Variants in PDE1C observed in about 807,000 individuals in gnomAD.
The protein encoded by PDE1C is phosphodiesterase 1C, also known as dual specificity calcium/calmodulin-dependent 3',5'-cyclic nucleotide phosphodiesterase 1C.
In PDE1C, 62 loss-of-function variants were observed where a neutral mutation model predicts 93.1. The ratio of observed to expected loss-of-function variants is 0.67; its 90% CI spans 0.54 to 0.82. The LOEUF is 0.82. Ranked by LOEUF, PDE1C falls within the 40% of genes least tolerant of loss-of-function variation. The pLI is 0.00. For missense variants in PDE1C, 742 were observed against 884.6 expected, an observed-to-expected ratio of 0.84 and a Z score of 2.04; for synonymous variants, 325 against 310.1, an observed-to-expected ratio of 1.05 and a Z score of -0.50.
intron 2 of PDE1C, among the ~76,000 whole-genome samples, chr7:32,048,495 G>T (rs1225910852): frequency 6.6e-6 from 1 of 152,024 alleles, no homozygotes; most frequent in Admixed American, 6.6e-5. Context: ...AAAGCCATGT[G>T]AGGAGAGAGG....
intron 2 of PDE1C, among the ~76,000 whole-genome samples, chr7:31,980,763 G>A (rs995820798): frequency 6.6e-6 from 1 of 152,184 alleles, no homozygotes; most frequent in Non-Finnish European, 1.5e-5. Flanking sequence ...CTCTAGGAGA[G>A]AATCAGTTTC....
intron 3 of PDE1C, among the ~76,000 whole-genome samples, chr7:32,167,860 G>A (rs1363960756): frequency 6.6e-6 from 1 of 152,016 alleles, no homozygotes; most frequent in African/African-American, 2.4e-5. Context: ...GGAGCTGTAG[G>A]GTAACCTTGA....
chr7:32,147,712 A>C (rs1254968014), intron 3 of PDE1C, among the ~76,000 whole-genome samples: 1 of 150,632 alleles, frequency 6.6e-6, no homozygotes, highest in African/African-American at 2.4e-5. Flanking sequence ...CCCCCCCTCC[A>C]AGCATTGAGA....
At chr7:32,222,490 G>A (rs1338110794) in intron 1 of PDE1C, among the ~76,000 whole-genome samples, 1 of 152,180 alleles carries the variant, frequency 6.6e-6, no homozygotes, top group Non-Finnish European at 1.5e-5. Flanking sequence ...GCTAGGAACT[G>A]TCCTCCTCTG....
At chr7:32,073,613 A>G (rs943843470), upstream of PDE1C, among the ~76,000 whole-genome samples, 9 of 152,158 alleles carry the variant, frequency 5.9e-5, no homozygotes, top group African/African-American at 2.2e-4. Flanking sequence ...AAATACCACA[A>G]AACAACTAAG....
At chr7:31,652,056 G>A in the PDE1C span, 5 of 1,573,550 alleles carry the variant, frequency 3.2e-6, no homozygotes, top group Admixed American at 1.8e-5. Context: ...TACTGGTATG[G>A]GTGATGGGGT....
intron 1 of PDE1C, among the ~76,000 whole-genome samples, chr7:32,359,569 T>C (rs1054256571): frequency 2.0e-5 from 3 of 152,252 alleles, no homozygotes; most frequent in East Asian, 3.8e-4. Context: ...TTAACATTTA[T>C]TGAGTGAATA....
intron 2 of PDE1C, among the ~76,000 whole-genome samples, chr7:31,971,945 C>A (rs545642943): frequency 6.6e-6 from 1 of 152,322 alleles, no homozygotes; most frequent in South Asian, 2.1e-4. Flanking sequence ...TCTTGGGTGT[C>A]CAACACCCTT....
intron 3 of PDE1C, among the ~76,000 whole-genome samples, chr7:32,104,796 A>G (rs1234524772): frequency 6.6e-6 from 1 of 152,210 alleles, no homozygotes; most frequent in South Asian, 2.1e-4. Flanking sequence ...ATTTAAAATA[A>G]AAAGGACCAA....
chr7:31,625,919 C>A, the PDE1C span, among the ~76,000 whole-genome samples: 3 of 151,782 alleles, frequency 2.0e-5, no homozygotes, highest in Non-Finnish European at 4.4e-5. Context: ...TACAGGTACA[C>A]CTAATGTTAG....
At chr7:31,652,880 A>T in the PDE1C span, 84 of 1,565,794 alleles carry the variant, frequency 5.4e-5, no homozygotes, top group African/African-American at 8.3e-4. Flanking sequence ...CCCAGAACAG[A>T]TGTAGCAAGG....
the PDE1C span, among the ~76,000 whole-genome samples, chr7:31,737,290 T>C: frequency 6.6e-6 from 1 of 152,140 alleles, no homozygotes; most frequent in African/African-American, 2.4e-5. Context: ...ACTCTTCTAA[T>C]TCTAACCATA....
rs566447142 is a variant in PDE1C, at chr7:32,338,504, T to C, written c.310+89318A>G. Reference sequence around the variant, plus strand: ...AACAGAAAACTAGTGTTGGCAAAGATGTAGAAAACTGGAGCTCTTGTATAT... The same window carrying C: ...AACAGAAAACTAGTGTTGGCAAAGACGTAGAAAACTGGAGCTCTTGTATAT... On this transcript the variant is annotated intron_variant, in intron 1 of 1. Coordinates refer to the PDE1C transcript ENST00000672256. Among the ~76,000 whole-genome samples, 5 of 152,276 alleles carry C rather than the reference T, an allele frequency of 3.3e-5. No homozygotes were observed. The East Asian group carries it at 7.7e-4, about 23-fold the overall frequency.
the PDE1C span, among the ~76,000 whole-genome samples, chr7:31,639,514 T>C: frequency 0.035 from 5,084 of 146,434 alleles, 316 homozygotes; most frequent in African/African-American, 0.12. Flanking sequence ...CAGGATATAG[T>C]TTTTCTTTTG....
chr7:32,320,916 C>G (rs1783278984), intron 1 of PDE1C, among the ~76,000 whole-genome samples: 1 of 152,170 alleles, frequency 6.6e-6, no homozygotes, highest in African/African-American at 2.4e-5. Flanking sequence ...TCCCCGTTTA[C>G]AGAGGAGTAA....
At chr7:31,888,153 G>A (rs377119997) in intron 2 of PDE1C, among the ~76,000 whole-genome samples, 2 of 149,624 alleles carry the variant, frequency 1.3e-5, no homozygotes, top group South Asian at 4.3e-4. Context: ...GGGAGGCTGA[G>A]GTAGGAGAAT....
intron 2 of PDE1C, among the ~76,000 whole-genome samples, chr7:31,906,488 G>T (rs1800600109): frequency 7.2e-6 from 1 of 139,394 alleles, no homozygotes; most frequent in Admixed American, 7.1e-5. Flanking sequence ...CCTTTGGGTT[G>T]GTCTTGATAC....
chr7:31,836,488 C>T (rs969100952), intron 11 of PDE1C, among the ~76,000 whole-genome samples: 1 of 152,114 alleles, frequency 6.6e-6, no homozygotes, highest in Non-Finnish European at 1.5e-5. Context: ...GCACCCACCA[C>T]CACGCCCGGC....
rs1220938665 is a variant in PDE1C at position 31,851,082 on chromosome 7, ACACACACACACACACACAT to A, written c.751-360_751-342del. 2.0e-4 allele frequency among the ~76,000 whole-genome samples: 6 copies of A among 29,520 alleles called. No individual in the cohort carries two copies. In the Admixed American group the frequency reaches 3.6e-3, roughly 17 times the overall value. 19.4% of individuals were successfully genotyped at this position (29,520 alleles called of 152,430 possible). A position where few individuals can be genotyped will look rare whatever the true frequency, so the allele number is the denominator to read the frequency against. On this transcript the variant is annotated intron_variant, in intron 7 of 17. Transcript: ENST00000396191. ...GGTAGACACACACACACACACACAC[ACACACACACACACACACAT>A]AAAAAAATTAGAAATTTGAATGCAA...
Sources: allele counts gnomAD v4.1 joint callset (sites outside exome capture counted in the v4.1 genomes callset), GRCh38; gene constraint gnomAD v4.1.1; transcripts MANE v1.5; gene names NCBI Gene and HGNC (gene_info 2026-07-23, HGNC 2026-07-21).